NEMP2: variants seen among roughly 807,000 people sequenced by gnomAD.
The protein encoded by NEMP2 is nuclear envelope integral membrane protein 2.
Under a neutral mutation model 54.2 loss-of-function variants are expected in NEMP2, and 53 were observed. That is an observed-to-expected ratio of 0.98 (90% confidence interval 0.78 to 1.23). The LOEUF is 1.23. Ranked by LOEUF, NEMP2 falls within the 50% of genes most tolerant of loss-of-function variation. The pLI is 0.00. For missense variants in NEMP2, 455 were observed against 511.3 expected, an observed-to-expected ratio of 0.89 and a Z score of 1.06; for synonymous variants, 197 against 190.3, an observed-to-expected ratio of 1.04 and a Z score of -0.29.
At chr2:190,538,551 A>G (rs908427963), upstream of NEMP2, among the ~76,000 whole-genome samples, 4 of 152,094 alleles carry the variant, frequency 2.6e-5, no homozygotes, top group African/African-American at 9.7e-5. This position sits in a 1 kb window ranked among gnomAD's most constrained non-coding sequence, Gnocchi z 4.1. Flanking sequence ...TATAGTTCCC[A>G]TAGAGGCTGT....
chr2:190,467,274 C>T, the NEMP2 span, among the ~76,000 whole-genome samples: 2 of 152,100 alleles, frequency 1.3e-5, no homozygotes, highest in African/African-American at 2.4e-5. The surrounding 1 kb of genome is among the most constrained non-coding windows in gnomAD (Gnocchi z 5.5). Flanking sequence ...GTGTGGGCCT[C>T]GGCATCTGTA....
At chr2:190,500,563 G>A, downstream of NEMP2, 1 of 223,586 alleles carries the variant, frequency 4.5e-6, no homozygotes. This position sits in a 1 kb window ranked among gnomAD's most constrained non-coding sequence, Gnocchi z 5.3. Flanking sequence ...GAATGAAAGT[G>A]TTTCGAGGTG....
chr2:190,449,963 A>G, the NEMP2 span, among the ~76,000 whole-genome samples: 2 of 152,180 alleles, frequency 1.3e-5, no homozygotes, highest in Non-Finnish European at 2.9e-5. Flanking sequence ...ATGTATACAT[A>G]TGTAACTAAC....
the NEMP2 span, among the ~76,000 whole-genome samples, chr2:190,593,269 C>T: frequency 6.6e-6 from 1 of 152,170 alleles, no homozygotes; most frequent in African/African-American, 2.4e-5. The surrounding 1 kb of genome is among the most constrained non-coding windows in gnomAD (Gnocchi z 4.5). Flanking sequence ...AGAAGTGATT[C>T]TAACCAAAAG....
At chr2:190,545,236 C>T in the NEMP2 span, among the ~76,000 whole-genome samples, 11 of 73,194 alleles carry the variant, frequency 1.5e-4, no homozygotes, top group Non-Finnish European at 2.2e-4. Flanking sequence ...TGACACCATC[C>T]GATCTCACCA....
At chr2:190,559,766 C>T in the NEMP2 span, among the ~76,000 whole-genome samples, 1 of 152,086 alleles carries the variant, frequency 6.6e-6, no homozygotes, top group Non-Finnish European at 1.5e-5. The surrounding 1 kb of genome is among the most constrained non-coding windows in gnomAD (Gnocchi z 4.0). Context: ...CAGGTATGTC[C>T]TGGGAGGTGA....
the NEMP2 span, among the ~76,000 whole-genome samples, chr2:190,474,637 A>C: frequency 6.6e-6 from 1 of 152,258 alleles, no homozygotes; most frequent in African/African-American, 2.4e-5. Context: ...GACCAGAGGT[A>C]CAAGGAGGAG....
At chr2:190,446,121 G>A in the NEMP2 span, among the ~76,000 whole-genome samples, 1 of 152,156 alleles carries the variant, frequency 6.6e-6, no homozygotes, top group African/African-American at 2.4e-5. Flanking sequence ...GAATGATTTT[G>A]CCACCATCAA....
At chr2:190,564,475 T>G in the NEMP2 span, among the ~76,000 whole-genome samples, 5 of 152,392 alleles carry the variant, frequency 3.3e-5, no homozygotes, top group East Asian at 3.9e-4. This position sits in a 1 kb window ranked among gnomAD's most constrained non-coding sequence, Gnocchi z 4.2. Context: ...ATACAACTAC[T>G]CTTTCCTTTA....
chr2:190,550,949 T>G, the NEMP2 span, among the ~76,000 whole-genome samples: 1 of 152,228 alleles, frequency 6.6e-6, no homozygotes, highest in Non-Finnish European at 1.5e-5. The surrounding 1 kb of genome is among the most constrained non-coding windows in gnomAD (Gnocchi z 4.7). Context: ...TGGTTCATAT[T>G]GTATTCCTTG....
the NEMP2 span, among the ~76,000 whole-genome samples, chr2:190,541,190 A>G: frequency 6.6e-6 from 1 of 151,440 alleles, no homozygotes; most frequent in African/African-American, 2.4e-5. This position sits in a 1 kb window ranked among gnomAD's most constrained non-coding sequence, Gnocchi z 5.2. Flanking sequence ...GTATATATAT[A>G]TATATTTGGT....
At chr2:190,599,222 A>G in the NEMP2 span, among the ~76,000 whole-genome samples, 112 of 152,318 alleles carry the variant, frequency 7.4e-4, no homozygotes, top group Admixed American at 1.8e-3. Context: ...GAGAAGCTAT[A>G]AAAGGCAGGC....
the NEMP2 span, among the ~76,000 whole-genome samples, chr2:190,632,703 A>C: frequency 6.6e-6 from 1 of 152,238 alleles, no homozygotes; most frequent in Non-Finnish European, 1.5e-5. The surrounding 1 kb of genome is among the most constrained non-coding windows in gnomAD (Gnocchi z 4.8). Flanking sequence ...TAATACCAGA[A>C]GGATGGGTAA....
Position 190,508,873 on chromosome 2 carries a change from A to G in NEMP2, c.*316T>C. The G allele has an allele frequency of 3.3e-6, 1 of 304,962 alleles. No individual in the cohort carries two copies. Among genetic ancestry groups the G allele is most frequent in the Non-Finnish European group, 6.2e-6 (1 of 162,148 alleles). 18.9% of individuals were successfully genotyped at this position (304,962 alleles called of 1,614,324 possible). A position where few individuals can be genotyped will look rare whatever the true frequency, so the allele number is the denominator to read the frequency against. Reference sequence around the variant, plus strand: ...AGATTTAGTGCCCTGGTGTCGACAAAGCACCTGTTCATGCTTACTAGCCCC... The same window carrying G: ...AGATTTAGTGCCCTGGTGTCGACAAGGCACCTGTTCATGCTTACTAGCCCC... On this transcript the variant is annotated 3_prime_UTR_variant, in exon 9 of 9. Coordinates refer to ENST00000409150, the MANE Select transcript of NEMP2 (RefSeq NM_001142645.2). The surrounding 1 kb of genome is among the most constrained non-coding windows in gnomAD (Gnocchi z 4.3).
the NEMP2 span, chr2:190,436,872 A>T: frequency 1.2e-6 from 2 of 1,614,234 alleles, no homozygotes; most frequent in South Asian, 1.1e-5. The surrounding 1 kb of genome is among the most constrained non-coding windows in gnomAD (Gnocchi z 5.3). Context: ...TTTATGATCA[A>T]CAAGAAGTTG....
chr2:190,630,825 T>C, the NEMP2 span, among the ~76,000 whole-genome samples: 1 of 152,148 alleles, frequency 6.6e-6, no homozygotes, highest in Non-Finnish European at 1.5e-5. The surrounding 1 kb of genome is among the most constrained non-coding windows in gnomAD (Gnocchi z 5.5). Context: ...AACAGAATTT[T>C]CTAATTTAAC....
At chr2:190,438,520 AAG>A in the NEMP2 span, among the ~76,000 whole-genome samples, 2 of 152,198 alleles carry the variant, frequency 1.3e-5, no homozygotes, top group Non-Finnish European at 2.9e-5. The surrounding 1 kb of genome is among the most constrained non-coding windows in gnomAD (Gnocchi z 5.2). Context: ...CATCTAAAAA[AAG>A]AGAACACCCT....
At chr2:190,495,109 T>C in the NEMP2 span, among the ~76,000 whole-genome samples, 1 of 152,120 alleles carries the variant, frequency 6.6e-6, no homozygotes, top group African/African-American at 2.4e-5. This position sits in a 1 kb window ranked among gnomAD's most constrained non-coding sequence, Gnocchi z 4.7. Context: ...CCCTAAAGAC[T>C]CCTCCTAAAA....
the NEMP2 span, chr2:190,616,758 C>G: frequency 1.3e-5 from 2 of 152,082 alleles, no homozygotes; most frequent in African/African-American, 4.8e-5. The surrounding 1 kb of genome is among the most constrained non-coding windows in gnomAD (Gnocchi z 5.1). Flanking sequence ...TAATAGTCTT[C>G]TTGCTATACT....
Sources: allele counts gnomAD v4.1 joint callset (sites outside exome capture counted in the v4.1 genomes callset), GRCh38; gene constraint gnomAD v4.1.1; non-coding constraint Gnocchi (gnomAD v3.1); transcripts MANE v1.5; gene names NCBI Gene and HGNC (gene_info 2026-07-23, HGNC 2026-07-21).